Variants in LRRC8B observed in about 807,000 individuals in gnomAD.
LRRC8B encodes volume-regulated anion channel subunit LRRC8B.
Under a neutral mutation model 58.8 loss-of-function variants are expected in LRRC8B, and 23 were observed. The observed-to-expected ratio is 0.39, with a 90% CI of 0.28 to 0.55. LRRC8B has a LOEUF of 0.55. LRRC8B is among the 20% of genes least tolerant of loss of function. LRRC8B has a pLI of 0.62. For synonymous variants in LRRC8B, 359 were observed against 374.1 expected (o/e 0.96, Z 0.47); for missense variants, 694 against 936.0 (o/e 0.74, Z 3.37).
chr1:89,544,716 A>G (rs1651272158), intron 1 of LRRC8B, among the ~76,000 whole-genome samples: 2 of 152,200 alleles, frequency 1.3e-5, no homozygotes, highest in Non-Finnish European at 2.9e-5. Flanking sequence ...TGATAAATCC[A>G]TCTATCCTCT....
intron 5 of LRRC8B, among the ~76,000 whole-genome samples, chr1:89,591,760 G>A (rs955068818): frequency 2.0e-5 from 3 of 152,116 alleles, no homozygotes; most frequent in African/African-American, 7.2e-5. Context: ...GAGGATATAG[G>A]CCAAGTCCCT....
chr1:89,543,397 A>C (rs753977472), intron 1 of LRRC8B, among the ~76,000 whole-genome samples: 2 of 152,196 alleles, frequency 1.3e-5, no homozygotes, highest in Non-Finnish European at 2.9e-5. Flanking sequence ...TCTGTTGTGC[A>C]TGAAGGTAAC....
At chr1:89,528,410 T>C (rs1649861419) in intron 1 of LRRC8B, among the ~76,000 whole-genome samples, 2 of 152,204 alleles carry the variant, frequency 1.3e-5, no homozygotes, top group African/African-American at 4.8e-5. Context: ...TTCTGTCAAA[T>C]TCCTTTTCAG....
Position 89,595,776 on chromosome 1 carries a change from G to T in LRRC8B, c.*2733G>T, listed in dbSNP as rs533524339. 6.6e-6 allele frequency: 1 copy of T among 152,214 alleles called. No homozygotes were observed. The highest frequency in any genetic ancestry group is 1.9e-4 in the East Asian group (1 of 5,180). The allele number at this position is 152,214 out of a possible 1,614,324, so 9.4% of individuals were successfully genotyped here. On this transcript the variant is annotated 3_prime_UTR_variant, in exon 6 of 6. Coordinates refer to ENST00000330947, the MANE Select transcript of LRRC8B (RefSeq NM_001369817.2). The stretch of plus-strand genomic sequence containing the variant: ...ATAGGGTGTTAATACCACCTTTACT[G>T]TACTGTTGGAGCAGATCTTTATTTT...
intron 1 of LRRC8B, among the ~76,000 whole-genome samples, chr1:89,566,927 T>A (rs1653084330): frequency 6.6e-6 from 1 of 152,200 alleles, no homozygotes; most frequent in Non-Finnish European, 1.5e-5. Flanking sequence ...TATCTCCAAA[T>A]CTTCCAGAAT....
chr1:89,529,733 T>C (rs905222641), intron 1 of LRRC8B, among the ~76,000 whole-genome samples: 3 of 152,194 alleles, frequency 2.0e-5, no homozygotes, highest in Admixed American at 6.5e-5. Context: ...TATTTTGTTA[T>C]AAAATAACAA....
At chr1:89,526,725 G>A (rs966735824) in intron 1 of LRRC8B, among the ~76,000 whole-genome samples, 1 of 151,360 alleles carries the variant, frequency 6.6e-6, no homozygotes, top group African/African-American at 2.5e-5. Context: ...TTGGGTCATG[G>A]CACTTTCCTT....
chr1:89,551,408 A>T (rs115051413), intron 1 of LRRC8B, among the ~76,000 whole-genome samples: 82 of 152,232 alleles, frequency 5.4e-4, no homozygotes, highest in African/African-American at 1.9e-3. Context: ...ACTATGAAAA[A>T]AATGCTCCAT....
At chr1:89,566,502 A>G (rs1426189401) in intron 1 of LRRC8B, among the ~76,000 whole-genome samples, 1 of 152,238 alleles carries the variant, frequency 6.6e-6, no homozygotes, top group Non-Finnish European at 1.5e-5. Context: ...TTCCTGCCAT[A>G]GCTGTCCTGC....
chr1:89,534,347 C>T lies in LRRC8B; in HGVS notation c.-241+9325C>T, dbSNP rs1650363632. Among the ~76,000 whole-genome samples, 4 of 152,186 alleles carry T rather than the reference C, an allele frequency of 2.6e-5. No homozygotes were observed. The South Asian group carries it at 8.3e-4, about 32-fold the overall frequency. ...TAAATACCAAAGTGATTTGATATCT[C>T]ACATCATCCGTTTAAGAAACGTATA... On this transcript the variant is annotated intron_variant, in intron 1 of 5. Transcript: ENST00000330947.
intron 1 of LRRC8B, among the ~76,000 whole-genome samples, chr1:89,563,230 T>G (rs1221857294): frequency 6.6e-6 from 1 of 152,164 alleles, no homozygotes; most frequent in Admixed American, 6.5e-5. Flanking sequence ...TTTCCTTTTT[T>G]AAGTATTTTA....
At chr1:89,538,099 T>C (rs1421361949) in intron 1 of LRRC8B, among the ~76,000 whole-genome samples, 1 of 152,152 alleles carries the variant, frequency 6.6e-6, no homozygotes, top group Non-Finnish European at 1.5e-5. Flanking sequence ...GAAACTTCAC[T>C]CTGAAAGAGC....
intron 3 of LRRC8B, among the ~76,000 whole-genome samples, chr1:89,571,805 A>C (rs754909873): frequency 6.6e-6 from 1 of 151,652 alleles, no homozygotes; most frequent in Non-Finnish European, 1.5e-5. Flanking sequence ...TTGCTAAGGA[A>C]TGTTTTACTT....
intron 3 of LRRC8B, among the ~76,000 whole-genome samples, chr1:89,570,091 T>C (rs1488854075): frequency 6.6e-6 from 1 of 152,230 alleles, no homozygotes; most frequent in Non-Finnish European, 1.5e-5. Flanking sequence ...ATGGTGTATA[T>C]GTACCACATT....
rs1006983544 is a variant in LRRC8B, at chr1:89,582,893, T to C, written c.243T>C (p.Ser81=). 6.2e-7 allele frequency: 1 copy of C among 1,614,082 alleles called. No individual in the cohort carries two copies. Among genetic ancestry groups the C allele is most frequent in the Non-Finnish European group, 8.5e-7 (1 of 1,180,032 alleles). The change falls in exon 5 of 6, where the codon TCT becomes TCC. Residue 81 remains serine (S), a synonymous_variant. Coordinates refer to ENST00000330947, the MANE Select transcript of LRRC8B (RefSeq NM_001369817.2). ...TGAAAGCCAGCATGAACACATCCTC[T>C]AATCCTGGGACACCGCTTCCGCTCC... ...DILKASMNTS[S]NPGTPLPLPL...
intron 1 of LRRC8B, among the ~76,000 whole-genome samples, chr1:89,538,417 C>T (rs1047161421): frequency 1.3e-5 from 2 of 152,196 alleles, no homozygotes; most frequent in East Asian, 3.9e-4. Flanking sequence ...GTTCCTCTTT[C>T]TTTCATAGAA....
rs1655235554 is a variant in LRRC8B at position 89,595,454 on chromosome 1, T to A, written c.*2411T>A. On this transcript the variant is annotated 3_prime_UTR_variant, in exon 6 of 6. Transcript: ENST00000330947. Reference sequence around the variant, plus strand: ...AAACAAAATTCAGATTTGCTACCATTCACCTGACGAACTTCTCCATGGCTC... The same window carrying A: ...AAACAAAATTCAGATTTGCTACCATACACCTGACGAACTTCTCCATGGCTC... 1 of 152,156 alleles carries A rather than the reference T, an allele frequency of 6.6e-6. No individual in the cohort carries two copies. Among genetic ancestry groups the A allele is most frequent in the African/African-American group, 2.4e-5 (1 of 41,450 alleles). 9.4% of individuals were successfully genotyped at this position (152,156 alleles called of 1,614,324 possible). A position where few individuals can be genotyped will look rare whatever the true frequency, so the allele number is the denominator to read the frequency against.
chr1:89,543,408 A>G (rs1385350833), intron 1 of LRRC8B, among the ~76,000 whole-genome samples: 4 of 152,192 alleles, frequency 2.6e-5, no homozygotes, highest in Admixed American at 2.6e-4. Flanking sequence ...TGAAGGTAAC[A>G]AACGCCAGTG....
intron 1 of LRRC8B, among the ~76,000 whole-genome samples, chr1:89,539,353 A>T (rs1169038256): frequency 6.6e-6 from 1 of 152,122 alleles, no homozygotes; most frequent in African/African-American, 2.4e-5. Context: ...AGAACAAAGC[A>T]GATGTAATAA....
Sources: gnomAD v4.1 joint callset for allele counts (sites outside exome capture counted in the v4.1 genomes callset) on GRCh38, gnomAD v4.1.1 for gene constraint, MANE v1.5 for transcripts, NCBI Gene and HGNC (gene_info 2026-07-23, HGNC 2026-07-21) for gene names.